LEPR: variants seen among roughly 807,000 people sequenced by gnomAD.
LEPR encodes leptin receptor, also known as OB receptor.
In LEPR, 56 loss-of-function variants were observed where a neutral mutation model predicts 114.7. The ratio of observed to expected loss-of-function variants is 0.49; its 90% CI spans 0.39 to 0.61. LEPR has a LOEUF of 0.61. Among genes scored for constraint, LEPR ranks in the 20% least tolerant of loss-of-function variants. The pLI is 0.00. For synonymous variants in LEPR, 443 were observed against 461.4 expected (o/e 0.96, Z 0.51); for missense variants, 1,202 against 1,352.9 (o/e 0.89, Z 1.75).
chr1:65,565,815 G>A (rs1017505308), intron 3 of LEPR, among the ~76,000 whole-genome samples: 1 of 151,284 alleles, frequency 6.6e-6, no homozygotes, highest in African/African-American at 2.4e-5. Context: ...ACAACCTGAT[G>A]GTGTATCCTT....
intron 2 of LEPR, among the ~76,000 whole-genome samples, chr1:65,440,015 A>AAAG (rs1401166104): frequency 6.7e-6 from 1 of 150,230 alleles, no homozygotes; most frequent in Admixed American, 6.6e-5. Flanking sequence ...AAAAAAAAAA[A>AAAG]AAAAAAAAAG....
intron 2 of LEPR, among the ~76,000 whole-genome samples, chr1:65,425,757 A>G (rs777725319): frequency 5.3e-5 from 8 of 152,188 alleles, no homozygotes; most frequent in East Asian, 1.9e-4. Flanking sequence ...GATAAAGTGC[A>G]CCTGAGTTTC....
chr1:65,423,119 C>T (rs1172278155), intron 1 of LEPR, among the ~76,000 whole-genome samples: 2 of 151,984 alleles, frequency 1.3e-5, no homozygotes, highest in Non-Finnish European at 2.9e-5. Flanking sequence ...ACACGTGTTA[C>T]ACATGTTGAA....
chr1:65,467,512 G>A (rs7520723), intron 2 of LEPR, among the ~76,000 whole-genome samples: 44,559 of 152,150 alleles, frequency 0.29, 8,355 homozygotes, highest in Non-Finnish European at 0.41. Flanking sequence ...TGAGGAGGCA[G>A]TCTGTCCATT....
intron 2 of LEPR, among the ~76,000 whole-genome samples, chr1:65,460,177 A>G (rs1041577463): frequency 3.3e-5 from 5 of 152,172 alleles, no homozygotes; most frequent in African/African-American, 4.8e-5. Context: ...AGTGCTCATA[A>G]AAAATACTAT....
chr1:65,480,654 A>G (rs1372753836), intron 2 of LEPR, among the ~76,000 whole-genome samples: 2 of 152,126 alleles, frequency 1.3e-5, no homozygotes, highest in Non-Finnish European at 2.9e-5. Context: ...TGTTTTTCCT[A>G]TTTATTTATA....
chr1:65,440,482 C>T (rs1331947699), intron 2 of LEPR, among the ~76,000 whole-genome samples: 4 of 151,818 alleles, frequency 2.6e-5, no homozygotes, highest in Admixed American at 6.6e-5. Flanking sequence ...TGTGAGTGTG[C>T]GTGTGGGCGT....
At chr1:65,508,888 A>G (rs1648889473) in intron 2 of LEPR, among the ~76,000 whole-genome samples, 1 of 151,938 alleles carries the variant, frequency 6.6e-6, no homozygotes, top group South Asian at 2.1e-4. Flanking sequence ...AGTTTTTGGT[A>G]TACAGATCTT....
At chr1:65,478,113 T>C (rs865921589) in intron 2 of LEPR, among the ~76,000 whole-genome samples, 57 of 152,204 alleles carry the variant, frequency 3.7e-4, no homozygotes, top group African/African-American at 1.4e-3. Flanking sequence ...CTGAAAGTAG[T>C]AATTTTGACC....
chr1:65,619,638 C>T (rs1367947861), intron 16 of LEPR, among the ~76,000 whole-genome samples: 1 of 151,982 alleles, frequency 6.6e-6, no homozygotes. Context: ...GCTCATACAC[C>T]CTGCACTTGA....
chr1:65,542,821 C>G (rs1651337413), intron 2 of LEPR, among the ~76,000 whole-genome samples: 1 of 151,960 alleles, frequency 6.6e-6, no homozygotes, highest in Non-Finnish European at 1.5e-5. Context: ...GCATAGTATT[C>G]CATGGTGTAT....
intron 2 of LEPR, among the ~76,000 whole-genome samples, chr1:65,546,058 A>G (rs1013612317): frequency 2.0e-5 from 3 of 151,714 alleles, no homozygotes; most frequent in Non-Finnish European, 3.0e-5. Flanking sequence ...CATTTATTAA[A>G]TAGGGAATCC....
chr1:65,559,711 T>G (rs1193490386), intron 2 of LEPR, among the ~76,000 whole-genome samples: 1 of 134,532 alleles, frequency 7.4e-6, no homozygotes, highest in Non-Finnish European at 1.6e-5. Flanking sequence ...TTAATCCATC[T>G]TGAATTGATT....
At chr1:65,493,710 C>T (rs369389359) in intron 2 of LEPR, among the ~76,000 whole-genome samples, 96 of 152,144 alleles carry the variant, frequency 6.3e-4, no homozygotes, top group Middle Eastern at 3.4e-3. Context: ...CTTGTTTTCT[C>T]TTGTATATCG....
In LEPR at chr1:65,578,109, T is replaced by C. The variant is rs181678415; in HGVS notation, c.494+5660T>C. Among the ~76,000 whole-genome samples, 35 of 151,390 alleles carry C rather than the reference T, an allele frequency of 2.3e-4. 2 individuals are homozygous for C. The highest frequency in any genetic ancestry group is 2.2e-3 in the Admixed American group (33 of 15,250). On this transcript the variant is annotated intron_variant, in intron 5 of 19. Coordinates refer to ENST00000349533, the MANE Select transcript of LEPR (RefSeq NM_002303.6). ...TGCTGAGAATGATGGTTTTCAGCTT[T>C]ATCCATGTCCTTGCAAAGGACATGA...
chr1:65,425,324 G>T lies in LEPR; in HGVS notation c.-75G>T. 6.2e-7 allele frequency: 1 copy of T among 1,611,446 alleles called. No homozygotes were observed. The highest frequency in any genetic ancestry group is 8.5e-7 in the Non-Finnish European group (1 of 1,179,362). On this transcript the variant is annotated 5_prime_UTR_variant, in exon 2 of 20. Transcript: ENST00000349533. Reference sequence around the variant, plus strand: ...ACAGCTCTCGTGGCATTATCCTTCAGTGGGGCTATTGGACTGACTTTTCTT... The same window carrying T: ...ACAGCTCTCGTGGCATTATCCTTCATTGGGGCTATTGGACTGACTTTTCTT...
intron 2 of LEPR, chr1:65,433,669 A>T: frequency 1.0e-6 from 1 of 984,488 alleles, no homozygotes; most frequent in Non-Finnish European, 1.2e-6. Flanking sequence ...TCCTGTGTAC[A>T]TATAGAATTG....
chr1:65,543,154 C>G (rs137983551), intron 2 of LEPR, among the ~76,000 whole-genome samples: 19 of 152,144 alleles, frequency 1.2e-4, no homozygotes, highest in African/African-American at 4.3e-4. Context: ...GATCGCCATT[C>G]TAACTGACAT....
chr1:65,598,526 A>G, intron 7 of LEPR, 134 bp from the exon 8 acceptor site: 1 of 1,314,040 alleles, frequency 7.6e-7, no homozygotes, highest in South Asian at 1.5e-5. Flanking sequence ...TGTTTGTTTT[A>G]ATTCCGCTGT....
Sources: allele counts gnomAD v4.1 joint callset (sites outside exome capture counted in the v4.1 genomes callset), GRCh38; gene constraint gnomAD v4.1.1; transcripts MANE v1.5; gene names NCBI Gene and HGNC (gene_info 2026-07-23, HGNC 2026-07-21).